ADARB2: variants seen among roughly 807,000 people sequenced by gnomAD.
ADARB2 encodes adenosine deaminase RNA specific B2 (inactive), also known as inactive double-stranded RNA-specific editase B2.
ADARB2 carries 25 observed loss-of-function variants against 62.2 expected under a neutral mutation model. That is an observed-to-expected ratio of 0.40 (90% confidence interval 0.29 to 0.56). The LOEUF (loss-of-function observed/expected upper bound fraction) is 0.56. ADARB2 is among the 20% of genes least tolerant of loss of function. The pLI, the probability that ADARB2 is intolerant of heterozygous loss-of-function variation, is 0.43. For synonymous variants in ADARB2, 572 were observed against 500.8 expected, an observed-to-expected ratio of 1.14 and a Z score of -1.90; for missense variants, 1,071 against 1,077.4, an observed-to-expected ratio of 0.99 and a Z score of 0.08.
chr10:1,673,782 G>A (rs1439091436), intron 1 of ADARB2, among the ~76,000 whole-genome samples: 1 of 152,240 alleles, frequency 6.6e-6, no homozygotes, highest in East Asian at 1.9e-4. Flanking sequence ...ACCGCTCACT[G>A]CCAGGCAGGC....
chr10:1,216,875 G>A lies in ADARB2; in HGVS notation c.1682+76C>T, dbSNP rs1830629063. On this transcript the variant is annotated intron_variant, in intron 7 of 9. Transcript: ENST00000381312. ...AGCATCACTGACCTCACCAGAAGTGGGATGCAGGGAGCCTGGGGCTTGGCA... is the reference window on the plus strand; with the variant it reads ...AGCATCACTGACCTCACCAGAAGTGAGATGCAGGGAGCCTGGGGCTTGGCA... 5 of 1,544,988 alleles carry A rather than the reference G, an allele frequency of 3.2e-6. No homozygotes were observed. The Admixed American group carries it at 9.1e-5, about 28-fold the overall frequency.
chr10:1,447,952 A>G (rs1382383728), intron 1 of ADARB2, among the ~76,000 whole-genome samples: 1 of 152,162 alleles, frequency 6.6e-6, no homozygotes, highest in Non-Finnish European at 1.5e-5. Flanking sequence ...GTATCTGTGT[A>G]GCACATTTTC....
intron 1 of ADARB2, among the ~76,000 whole-genome samples, chr10:1,559,044 C>A: frequency 6.6e-6 from 1 of 152,220 alleles, no homozygotes; most frequent in Non-Finnish European, 1.5e-5. Flanking sequence ...GTCTCTCAAT[C>A]GCATCCCCAG....
chr10:1,205,872 T>G (rs1337666816), intron 7 of ADARB2, among the ~76,000 whole-genome samples: 1 of 151,832 alleles, frequency 6.6e-6, no homozygotes, highest in African/African-American at 2.4e-5. Flanking sequence ...GGCAGCCCGC[T>G]GCGGCCAGGT....
At chr10:1,345,622 G>A (rs1354186908) in intron 3 of ADARB2, among the ~76,000 whole-genome samples, 2 of 152,214 alleles carry the variant, frequency 1.3e-5, no homozygotes, top group South Asian at 2.1e-4. Context: ...CTGGACAGAA[G>A]GGCTGCTGCT....
At chr10:1,520,069 G>C (rs577720910) in intron 1 of ADARB2, among the ~76,000 whole-genome samples, 94 of 152,282 alleles carry the variant, frequency 6.2e-4, no homozygotes, top group African/African-American at 2.1e-3. Flanking sequence ...TGGCATATTT[G>C]CTAGTGTTTT....
At chr10:1,227,000 G>A (rs1005355189) in intron 6 of ADARB2, among the ~76,000 whole-genome samples, 1 of 152,264 alleles carries the variant, frequency 6.6e-6, no homozygotes, top group Non-Finnish European at 1.5e-5. Flanking sequence ...GCCCCCAGAG[G>A]TGGAGCCTAT....
rs60994227 is a variant in ADARB2, at chr10:1,623,590, G to A, written c.100+113461C>T. On this transcript the variant is annotated intron_variant, in intron 1 of 9. Transcript: ENST00000381312. Reference sequence around the variant, plus strand: ...GCCGCCTTCCCAGGCATGGTCCACCGTGAGCCGTAACTGCTTTGAACTCCT... The same window carrying A: ...GCCGCCTTCCCAGGCATGGTCCACCATGAGCCGTAACTGCTTTGAACTCCT... Among the ~76,000 whole-genome samples the A allele has an allele frequency of 7.3e-3, 1,111 of 152,294 alleles. 13 individuals are homozygous for A. The highest frequency in any genetic ancestry group is 0.042 in the East Asian group (216 of 5,170).
chr10:1,651,748 G>A (rs1490795372), intron 1 of ADARB2, among the ~76,000 whole-genome samples: 4 of 152,166 alleles, frequency 2.6e-5, no homozygotes, highest in East Asian at 1.9e-4. Flanking sequence ...CGTGACTCTC[G>A]GGGGGAGCGG....
intron 2 of ADARB2, among the ~76,000 whole-genome samples, chr10:1,369,359 C>G (rs1324024033): frequency 1.3e-5 from 2 of 152,086 alleles, no homozygotes; most frequent in Non-Finnish European, 2.9e-5. Flanking sequence ...TCACCAGGGT[C>G]TCTACTCAAT....
chr10:1,734,532 A>C (rs1367390025), intron 1 of ADARB2, among the ~76,000 whole-genome samples: 3 of 152,204 alleles, frequency 2.0e-5, no homozygotes, highest in African/African-American at 7.2e-5. Flanking sequence ...CACATAGAAA[A>C]GGAGCCAGAT....
intron 1 of ADARB2, among the ~76,000 whole-genome samples, chr10:1,662,293 G>A (rs1183110470): frequency 6.6e-6 from 1 of 152,180 alleles, no homozygotes; most frequent in East Asian, 1.9e-4. Context: ...GCCTCCAGGA[G>A]CCCAGGCTGG....
chr10:1,562,690 C>A (rs1174614705), intron 1 of ADARB2, among the ~76,000 whole-genome samples: 3 of 152,226 alleles, frequency 2.0e-5, no homozygotes, highest in Non-Finnish European at 4.4e-5. Flanking sequence ...TTGGGCTAGA[C>A]CTGAATTCAA....
At chr10:1,654,136 G>A (rs950210679) in intron 1 of ADARB2, among the ~76,000 whole-genome samples, 2 of 152,160 alleles carry the variant, frequency 1.3e-5, no homozygotes, top group Non-Finnish European at 2.9e-5. Flanking sequence ...GGCCATTGCA[G>A]GTGTTGTAAG....
At chr10:1,501,657 G>T (rs61831917) in intron 1 of ADARB2, among the ~76,000 whole-genome samples, 23,540 of 152,164 alleles carry the variant, frequency 0.15, 2,214 homozygotes, top group Middle Eastern at 0.23. Flanking sequence ...AAAACAGCTC[G>T]AATATATTGC....
In ADARB2 at chr10:1,737,475, C is replaced by G. The variant is rs1014953433; in HGVS notation, c.-325G>C. The G allele has an allele frequency of 3.0e-6, 1 of 338,292 alleles. No homozygotes were observed. The highest frequency in any genetic ancestry group is 5.5e-6 in the Non-Finnish European group (1 of 182,652). 21.0% of individuals were successfully genotyped at this position (338,292 alleles called of 1,614,324 possible). On this transcript the variant is annotated 5_prime_UTR_variant, in exon 1 of 10. Transcript: ENST00000381312. ...TGCCTCCTGCTCTGGGCTCCCAGCG[C>G]AGGGAGGCTACTTTTGCGCCTCTGC... is the stretch of plus-strand genomic sequence containing the variant.
intron 1 of ADARB2, among the ~76,000 whole-genome samples, chr10:1,400,196 G>A (rs71491383): frequency 0.11 from 16,927 of 152,166 alleles, 1,010 homozygotes; most frequent in East Asian, 0.2. Flanking sequence ...GCTGTCCTGC[G>A]TCTGTCTCTC....
chr10:1,573,730 A>G (rs1280772286), intron 1 of ADARB2, among the ~76,000 whole-genome samples: 2 of 152,172 alleles, frequency 1.3e-5, no homozygotes, highest in East Asian at 3.9e-4. Context: ...GGCACCCAGC[A>G]GGACGGTGCT....
At chr10:1,735,440 G>A (rs558626769) in intron 1 of ADARB2, among the ~76,000 whole-genome samples, 18 of 152,172 alleles carry the variant, frequency 1.2e-4, no homozygotes, top group Admixed American at 9.8e-4. Context: ...GCATTATTGC[G>A]AACTATTACT....
Sources: gnomAD v4.1 joint callset for allele counts (sites outside exome capture counted in the v4.1 genomes callset) on GRCh38, gnomAD v4.1.1 for gene constraint, MANE v1.5 for transcripts, NCBI Gene and HGNC (gene_info 2026-07-23, HGNC 2026-07-21) for gene names.